The following GCNT1 variants were observed in gnomAD, a reference collection of about 807,000 sequenced individuals.
GCNT1 encodes the protein beta-1,3-galactosyl-O-glycosyl-glycoprotein beta-1,6-N-acetylglucosaminyltransferase.
A neutral mutation model predicts 26.2 loss-of-function variants in GCNT1; 16 were observed. The ratio of observed to expected loss-of-function variants is 0.61; its 90% CI spans 0.41 to 0.93. GCNT1 has a LOEUF of 0.93. Ranked by LOEUF, GCNT1 falls within the 40% of genes least tolerant of loss-of-function variation. The probability of loss-of-function intolerance (pLI) is 0.00; values close to 1 mark genes in which losing one functional copy is unlikely to be tolerated. For synonymous variants in GCNT1, 183 were observed against 190.8 expected (o/e 0.96, Z 0.34); for missense variants, 477 against 526.7 (o/e 0.91, Z 0.92).
chr9:76,447,281 C>T (rs1823593175), intron 1 of GCNT1, among the ~76,000 whole-genome samples: 1 of 151,570 alleles, frequency 6.6e-6, no homozygotes. Context: ...TCACTCTCAC[C>T]CAGGCTGGAG....
chr9:76,411,537 C>G, the GCNT1 span, among the ~76,000 whole-genome samples: 1 of 151,502 alleles, frequency 6.6e-6, no homozygotes, highest in South Asian at 2.1e-4. Context: ...CTATGTTGCC[C>G]AGGCTGGTCT....
At chr9:76,439,416 G>A (rs1823452352), upstream of GCNT1, among the ~76,000 whole-genome samples, 1 of 151,874 alleles carries the variant, frequency 6.6e-6, no homozygotes, top group South Asian at 2.1e-4. Context: ...GTAGAGATGG[G>A]GCTTCGCCAT....
chr9:76,447,709 G>C (rs1564226980), intron 1 of GCNT1, among the ~76,000 whole-genome samples: 2 of 152,200 alleles, frequency 1.3e-5, no homozygotes. Flanking sequence ...AGTCAGTATG[G>C]AGGATGTTTA....
intron 1 of GCNT1, among the ~76,000 whole-genome samples, chr9:76,450,554 A>C (rs1000890038): frequency 6.6e-6 from 1 of 152,188 alleles, no homozygotes; most frequent in African/African-American, 2.4e-5. Context: ...GTATTCCTAC[A>C]CCTTCATCTA....
At chr9:76,446,400 G>A (rs1823578225) in intron 1 of GCNT1, among the ~76,000 whole-genome samples, 1 of 152,160 alleles carries the variant, frequency 6.6e-6, no homozygotes, top group Non-Finnish European at 1.5e-5. Flanking sequence ...CCCGCTCCAT[G>A]CAATCTTCTT....
At chr9:76,411,686 C>T in the GCNT1 span, among the ~76,000 whole-genome samples, 1 of 133,322 alleles carries the variant, frequency 7.5e-6, no homozygotes, top group South Asian at 2.4e-4. Flanking sequence ...TTTTTTAACA[C>T]ATCAATTATA....
chr9:76,490,440 C>G (rs748813939), intron 2 of GCNT1, among the ~76,000 whole-genome samples: 2 of 152,136 alleles, frequency 1.3e-5, no homozygotes, highest in Non-Finnish European at 2.9e-5. Context: ...ATTTCTAACC[C>G]TATACGTAGA....
At chr9:76,494,939 T>C (rs1405755934) in intron 2 of GCNT1, among the ~76,000 whole-genome samples, 2 of 152,150 alleles carry the variant, frequency 1.3e-5, no homozygotes, top group African/African-American at 2.4e-5. Context: ...GAAGCTGTTT[T>C]CAGGCAAACC....
chr9:76,502,194 TATATATA>T (rs1825093200), intron 3 of GCNT1, 38 bp from the exon 4 acceptor site: 2 of 199,042 alleles, frequency 1.0e-5, no homozygotes, highest in Admixed American at 5.9e-5. Context: ...TATATATATA[TATATATA>T]TATTTATTTA....
intron 2 of GCNT1, among the ~76,000 whole-genome samples, chr9:76,477,430 G>A (rs1824279427): frequency 6.6e-6 from 1 of 151,886 alleles, no homozygotes; most frequent in Admixed American, 6.5e-5. Context: ...GGAGGCTGAG[G>A]CAGGAGAATT....
chr9:76,421,473 G>A (rs573274083), intron 1 of GCNT1, among the ~76,000 whole-genome samples: 8 of 151,566 alleles, frequency 5.3e-5, no homozygotes, highest in South Asian at 2.1e-4. Flanking sequence ...CCATGGTGGT[G>A]TGTGCCTGTA....
At chr9:76,396,120 C>T in the GCNT1 span, among the ~76,000 whole-genome samples, 3 of 152,112 alleles carry the variant, frequency 2.0e-5, no homozygotes, top group Non-Finnish European at 4.4e-5. Flanking sequence ...CTGGGTCTTA[C>T]GCCACTAAGC....
At chr9:76,468,271 G>A (rs745740379) in intron 2 of GCNT1, among the ~76,000 whole-genome samples, 1 of 152,196 alleles carries the variant, frequency 6.6e-6, no homozygotes, top group South Asian at 2.1e-4. Flanking sequence ...TCCTTGCCTA[G>A]CTGGAGCCCT....
At chr9:76,417,846 C>T (rs1026016074), upstream of GCNT1, among the ~76,000 whole-genome samples, 1 of 152,196 alleles carries the variant, frequency 6.6e-6, no homozygotes, top group African/African-American at 2.4e-5. Flanking sequence ...ACATCACCCA[C>T]CTGTATGATT....
At chr9:76,467,146 G>A (rs1292726017) in intron 2 of GCNT1, among the ~76,000 whole-genome samples, 3 of 151,974 alleles carry the variant, frequency 2.0e-5, no homozygotes, top group African/African-American at 4.8e-5. Context: ...AGGTTCAAGC[G>A]ATTCTCCTGC....
chr9:76,395,206 C>T, the GCNT1 span, among the ~76,000 whole-genome samples: 1 of 152,202 alleles, frequency 6.6e-6, no homozygotes, highest in African/African-American at 2.4e-5. Flanking sequence ...GGCTCACTCA[C>T]AGGATATGCA....
the GCNT1 span, among the ~76,000 whole-genome samples, chr9:76,395,017 C>G: frequency 9.2e-4 from 140 of 152,292 alleles, 1 homozygote; most frequent in Non-Finnish European, 1.8e-3. Flanking sequence ...CTGTCTGTGA[C>G]GCTGTTAACC....
chr9:76,404,366 A>G, the GCNT1 span, among the ~76,000 whole-genome samples: 3 of 152,206 alleles, frequency 2.0e-5, no homozygotes, highest in African/African-American at 4.8e-5. Flanking sequence ...AGCATGAACT[A>G]TATATTTAGA....
upstream of GCNT1, among the ~76,000 whole-genome samples, chr9:76,417,660 C>A (rs1420245529): frequency 6.6e-6 from 1 of 152,188 alleles, no homozygotes; most frequent in East Asian, 1.9e-4. Context: ...GAGCCAAAGG[C>A]ATCTGTATTT....
Sources: allele counts gnomAD v4.1 joint callset (sites outside exome capture counted in the v4.1 genomes callset), GRCh38; gene constraint gnomAD v4.1.1; transcripts MANE v1.5; gene names NCBI Gene and HGNC (gene_info 2026-07-23, HGNC 2026-07-21).